RORB: variants seen among roughly 807,000 people sequenced by gnomAD.
RORB encodes the protein RAR related orphan receptor B, also known as nuclear receptor ROR-beta.
Under a neutral mutation model 59.1 loss-of-function variants are expected in RORB, and 6 were observed. The observed-to-expected ratio is 0.10, with a 90% CI of 0.06 to 0.20. The LOEUF is 0.20. Among genes scored for constraint, RORB ranks in the 10% least tolerant of loss-of-function variants. RORB has a pLI of 1.00. For missense variants in RORB, 320 were observed against 560.5 expected (o/e 0.57, Z 4.33); for synonymous variants, 215 against 204.5 (o/e 1.05, Z -0.44).
chr9:74,613,165 G>A, intron 1 of RORB, among the ~76,000 whole-genome samples: 1 of 152,166 alleles, frequency 6.6e-6, no homozygotes, highest in East Asian at 1.9e-4. Context: ...ATTGAACTAT[G>A]TTTACTGAAT....
At chr9:74,645,632 T>G (rs926162256) in intron 4 of RORB, among the ~76,000 whole-genome samples, 1 of 152,200 alleles carries the variant, frequency 6.6e-6, no homozygotes, top group Non-Finnish European at 1.5e-5. Flanking sequence ...TTAGTATCAC[T>G]GGTTATTGCA....
intron 1 of RORB, among the ~76,000 whole-genome samples, chr9:74,608,425 G>A (rs530329733): frequency 4.0e-4 from 61 of 152,086 alleles, no homozygotes; most frequent in Middle Eastern, 3.4e-3. Flanking sequence ...TAAGCCGGGC[G>A]TGGTGGCGGG....
intron 1 of RORB, among the ~76,000 whole-genome samples, chr9:74,602,301 C>G (rs1014731160): frequency 6.6e-6 from 1 of 152,122 alleles, no homozygotes; most frequent in Non-Finnish European, 1.5e-5. Flanking sequence ...CCTGAAGCAT[C>G]ATAAGCACTT....
At chr9:74,660,889 C>A in intron 5 of RORB, 151 bp downstream of exon 5, 1 of 718,886 alleles carries the variant, frequency 1.4e-6, no homozygotes, top group Non-Finnish European at 2.2e-6. Context: ...CCTGGCCCTA[C>A]CCACTAGATG....
At chr9:74,682,524 C>A (rs1247906270) in intron 9 of RORB, among the ~76,000 whole-genome samples, 1 of 152,012 alleles carries the variant, frequency 6.6e-6, no homozygotes, top group African/African-American at 2.4e-5. Context: ...CAAACCCAAG[C>A]AGCCCAACTC....
At chr9:74,589,812 C>T in intron 1 of RORB, among the ~76,000 whole-genome samples, 1 of 152,166 alleles carries the variant, frequency 6.6e-6, no homozygotes, top group East Asian at 1.9e-4. Flanking sequence ...CAGGGAAGTC[C>T]TTTCTAACCA....
chr9:74,525,801 G>A (rs1440405366), intron 1 of RORB, among the ~76,000 whole-genome samples: 3 of 151,874 alleles, frequency 2.0e-5, no homozygotes, highest in Middle Eastern at 3.2e-3. Flanking sequence ...TTTGCGTCCC[G>A]AAATTCCCAA....
Position 74,671,995 on chromosome 9 carries a change from A to G in RORB, c.1224+94A>G, listed in dbSNP as rs915850703. Reference sequence around the variant, plus strand: ...AATCAAGGGAAATTTCTCAGCAGCAACAATTTCTGAAAGTTACCAAAGACT... The same window carrying G: ...AATCAAGGGAAATTTCTCAGCAGCAGCAATTTCTGAAAGTTACCAAAGACT... On this transcript the variant is annotated intron_variant, in intron 9 of 9. Coordinates refer to ENST00000376896, the MANE Select transcript of RORB (RefSeq NM_006914.4). 11 of 654,792 alleles carry G rather than the reference A, an allele frequency of 1.7e-5. No individual in the cohort carries two copies. The African/African-American group carries it at 1.8e-4, about 11-fold the overall frequency. The allele number at this position is 654,792 out of a possible 1,614,324, so 40.6% of individuals were successfully genotyped here. A position where few individuals can be genotyped will look rare whatever the true frequency, so the allele number is the denominator to read the frequency against.
intron 1 of RORB, among the ~76,000 whole-genome samples, chr9:74,557,869 T>G (rs1822332767): frequency 6.6e-6 from 1 of 152,162 alleles, no homozygotes; most frequent in African/African-American, 2.4e-5. Flanking sequence ...ACATTATGTT[T>G]GATTTCTTTC....
rs564315523 is a variant in RORB at position 74,663,044 on chromosome 9, C to T, written c.892+438C>T. Among the ~76,000 whole-genome samples, 16 of 152,108 alleles carry T rather than the reference C, an allele frequency of 1.1e-4. No individual in the cohort carries two copies. In the East Asian group the frequency reaches 2.3e-3, roughly 22 times the overall value. On this transcript the variant is annotated intron_variant, in intron 6 of 9. Coordinates refer to ENST00000376896, the MANE Select transcript of RORB (RefSeq NM_006914.4). ...CCAGTATACACCAGGAGAAACTCCACGGTACTCTAATCTTTCCCTACCCTT... is the reference window on the plus strand; with the variant it reads ...CCAGTATACACCAGGAGAAACTCCATGGTACTCTAATCTTTCCCTACCCTT...
At chr9:74,679,064 A>C (rs1409991403) in intron 9 of RORB, among the ~76,000 whole-genome samples, 1 of 151,744 alleles carries the variant, frequency 6.6e-6, no homozygotes, top group East Asian at 1.9e-4. Context: ...CAAACAAAAA[A>C]AAAAACAAAA....
chr9:74,505,967 C>A, intron 1 of RORB, among the ~76,000 whole-genome samples: 1 of 149,334 alleles, frequency 6.7e-6, no homozygotes. Flanking sequence ...GAGGGTACAG[C>A]TTGTTTTAAA....
At chr9:74,548,819 C>T (rs1157169674) in intron 1 of RORB, among the ~76,000 whole-genome samples, 1 of 152,162 alleles carries the variant, frequency 6.6e-6, no homozygotes, top group African/African-American at 2.4e-5. Flanking sequence ...TAGTATTCTA[C>T]TCTTTTCATT....
intron 1 of RORB, among the ~76,000 whole-genome samples, chr9:74,527,615 G>T (rs1453302007): frequency 6.6e-6 from 1 of 151,968 alleles, no homozygotes; most frequent in African/African-American, 2.4e-5. Context: ...TACAGACTCA[G>T]TATCATTTAG....
At chr9:74,520,302 A>G (rs188012779) in intron 1 of RORB, among the ~76,000 whole-genome samples, 39 of 152,088 alleles carry the variant, frequency 2.6e-4, no homozygotes, top group Admixed American at 9.2e-4. Flanking sequence ...TAATGTAAAG[A>G]GCCCATATTA....
intron 3 of RORB, 128 bp downstream of exon 3, chr9:74,634,900 C>T: frequency 2.5e-6 from 2 of 807,680 alleles, no homozygotes; most frequent in East Asian, 2.7e-5. Flanking sequence ...AATCACTGTG[C>T]TGCTAGTGCA....
chr9:74,593,274 C>A (rs1822926180), intron 1 of RORB, among the ~76,000 whole-genome samples: 1 of 152,004 alleles, frequency 6.6e-6, no homozygotes, highest in African/African-American at 2.4e-5. Context: ...CGAGACCATC[C>A]TGACCAACAT....
intron 1 of RORB, among the ~76,000 whole-genome samples, chr9:74,629,284 G>T (rs1237763591): frequency 6.6e-6 from 1 of 150,992 alleles, no homozygotes; most frequent in Non-Finnish European, 1.5e-5. Flanking sequence ...CCTTTCTAAG[G>T]TGAGTTACTT....
intron 1 of RORB, among the ~76,000 whole-genome samples, chr9:74,601,218 A>C (rs1180139455): frequency 6.6e-6 from 1 of 151,948 alleles, no homozygotes; most frequent in Non-Finnish European, 1.5e-5. Flanking sequence ...GAAGCTTAGA[A>C]ACAACTTAAA....
Sources: allele counts gnomAD v4.1 joint callset (sites outside exome capture counted in the v4.1 genomes callset), GRCh38; gene constraint gnomAD v4.1.1; transcripts MANE v1.5; gene names NCBI Gene and HGNC (gene_info 2026-07-23, HGNC 2026-07-21).